Variants in GSE1 observed in about 807,000 individuals in gnomAD.
The protein encoded by GSE1 is Gse1 coiled-coil protein.
In GSE1, 32 loss-of-function variants were observed where a neutral mutation model predicts 112.6. The observed-to-expected ratio is 0.28, with a 90% CI of 0.21 to 0.38. The LOEUF is 0.38. GSE1 is among the 10% of genes least tolerant of loss of function. The probability of loss-of-function intolerance (pLI) is 1.00; values close to 1 mark genes in which losing one functional copy is unlikely to be tolerated. For missense variants in GSE1, 2,348 were observed against 1,699.2 expected, an observed-to-expected ratio of 1.38 and a Z score of -6.71; for synonymous variants, 1,115 against 735.6, an observed-to-expected ratio of 1.52 and a Z score of -8.35.
chr16:85,589,654 A>G (rs2151425667), intron 1 of GSE1, among the ~76,000 whole-genome samples: 1 of 152,242 alleles, frequency 6.6e-6, no homozygotes, highest in East Asian at 1.9e-4. Context: ...TGTATGTGTG[A>G]CGTGTGCAAA....
At chr16:85,657,635 G>C in intron 8 of GSE1, 31 bp downstream of exon 8, 8 of 1,418,156 alleles carry the variant, frequency 5.6e-6, no homozygotes, top group Non-Finnish European at 7.5e-6. Context: ...AAGGAGGGAT[G>C]AGCCTTCACG....
chr16:85,183,193 A>C (rs1364734791), intron 1 of GSE1, among the ~76,000 whole-genome samples: 2 of 151,958 alleles, frequency 1.3e-5, no homozygotes, highest in Non-Finnish European at 2.9e-5. Flanking sequence ...GCATGTCCTC[A>C]CACACATGTG....
At chr16:85,542,470 C>T (rs1235110443) in intron 2 of GSE1, among the ~76,000 whole-genome samples, 3 of 152,242 alleles carry the variant, frequency 2.0e-5, no homozygotes, top group Non-Finnish European at 4.4e-5. Context: ...ACCCATAAGC[C>T]TCCGCTGTGC....
At chr16:85,553,146 G>GC (rs2045009686), upstream of GSE1, among the ~76,000 whole-genome samples, 1 of 148,434 alleles carries the variant, frequency 6.7e-6, no homozygotes, top group Non-Finnish European at 1.5e-5. Flanking sequence ...CCCCCGCCCC[G>GC]CCCCCCAGGG....
At chr16:85,610,542 A>G (rs1405920829), upstream of GSE1, among the ~76,000 whole-genome samples, 1 of 152,114 alleles carries the variant, frequency 6.6e-6, no homozygotes, top group Non-Finnish European at 1.5e-5. Context: ...CCACCCTTAA[A>G]CTCGGAGGCC....
At chr16:85,514,768 T>G (rs1456789223) in intron 2 of GSE1, among the ~76,000 whole-genome samples, 1 of 152,032 alleles carries the variant, frequency 6.6e-6, no homozygotes, top group Non-Finnish European at 1.5e-5. Flanking sequence ...CCCCAGGGGG[T>G]TGGTCAGGGC....
At chr16:85,666,371 T>G in intron 13 of GSE1, 24 bp downstream of exon 13, 6 of 1,612,514 alleles carry the variant, frequency 3.7e-6, no homozygotes, top group Non-Finnish European at 5.1e-6. Context: ...CAGTCCCTGC[T>G]CAGCTCTCGG....
intron 2 of GSE1, among the ~76,000 whole-genome samples, chr16:85,430,698 C>G (rs985106074): frequency 6.6e-6 from 1 of 152,200 alleles, no homozygotes; most frequent in African/African-American, 2.4e-5. Context: ...GGGCACAGGG[C>G]GGCGGCAGTC....
At chr16:85,347,234 G>A (rs1451447124) in intron 1 of GSE1, among the ~76,000 whole-genome samples, 2 of 152,088 alleles carry the variant, frequency 1.3e-5, no homozygotes, top group Non-Finnish European at 2.9e-5. Context: ...AGGGGTCCCT[G>A]GGAGAGACAG....
At chr16:85,445,870 C>G (rs956488353) in intron 2 of GSE1, among the ~76,000 whole-genome samples, 4 of 152,314 alleles carry the variant, frequency 2.6e-5, no homozygotes, top group African/African-American at 7.2e-5. Flanking sequence ...AGTTCACATC[C>G]CGGCACTGTC....
chr16:85,222,400 C>T (rs1309798250), intron 1 of GSE1, among the ~76,000 whole-genome samples: 2 of 152,218 alleles, frequency 1.3e-5, no homozygotes, highest in Non-Finnish European at 2.9e-5. Flanking sequence ...CCCCTGCTTG[C>T]GTGAAATGGG....
intron 9 of GSE1, among the ~76,000 whole-genome samples, 156 bp downstream of exon 9, chr16:85,661,921 C>T (rs2052468116): frequency 6.6e-6 from 1 of 152,182 alleles, no homozygotes; most frequent in African/African-American, 2.4e-5. Flanking sequence ...TTCTTTGTAG[C>T]AGCATGACAC....
At chr16:85,638,940 C>T (rs921417526) in intron 2 of GSE1, among the ~76,000 whole-genome samples, 3 of 152,118 alleles carry the variant, frequency 2.0e-5, no homozygotes, top group African/African-American at 7.2e-5. Context: ...CAGGCAGGGC[C>T]AAGTGGCTGC....
intron 2 of GSE1, among the ~76,000 whole-genome samples, chr16:85,476,728 C>T (rs149945255): frequency 1.3e-5 from 2 of 151,802 alleles, no homozygotes; most frequent in African/African-American, 4.8e-5. Flanking sequence ...CCCACCGCAG[C>T]CTCCCCAGTA....
At chr16:85,246,943 G>C (rs558382389) in intron 1 of GSE1, among the ~76,000 whole-genome samples, 10 of 152,046 alleles carry the variant, frequency 6.6e-5, no homozygotes, top group Non-Finnish European at 1.5e-4. Context: ...TGCTAATGTT[G>C]CCAAGGCGCT....
At chr16:85,205,521 A>G (rs1451339942) in intron 1 of GSE1, among the ~76,000 whole-genome samples, 1 of 152,242 alleles carries the variant, frequency 6.6e-6, no homozygotes, top group East Asian at 1.9e-4. Flanking sequence ...AGTTGAGGTC[A>G]CAGCAGGCTG....
chr16:85,402,419 C>G (rs1034968734), intron 2 of GSE1, among the ~76,000 whole-genome samples: 5 of 152,154 alleles, frequency 3.3e-5, no homozygotes, highest in Non-Finnish European at 2.9e-5. Context: ...AAGAACGGGG[C>G]TGAGCGAATA....
At chr16:85,518,130 A>G (rs141550605) in intron 2 of GSE1, among the ~76,000 whole-genome samples, 1,698 of 152,282 alleles carry the variant, frequency 0.011, 13 homozygotes, top group Non-Finnish European at 0.018. Flanking sequence ...TGCCCTGCAG[A>G]GGCTGCTGCC....
rs767800699 is a variant in GSE1, at chr16:85,661,645, C to T, written c.2140C>T (p.Pro714Ser). 1.2e-6 allele frequency: 2 copies of T among 1,611,146 alleles called. No homozygotes were observed. Among genetic ancestry groups the T allele is most frequent in the East Asian group, 2.2e-5 (1 of 44,836 alleles). ...GPLKPGSPYR[P>S]PVPRAPDPAY... ...CCTGAAGCCTGGCTCGCCCTACCGG[C>T]CCCCAGTGCCACGGGCCCCCGACCC... Residue 714 changes from proline to serine, a missense_variant, in exon 9 of 16, where the codon CCC (proline) becomes TCC (serine). Physicochemically the swap from Pro to Ser is moderately conservative, Grantham distance 74 (BLOSUM62 -1). Coordinates refer to ENST00000253458, the MANE Select transcript of GSE1 (RefSeq NM_014615.5).
Sources: gnomAD v4.1 joint callset for allele counts (sites outside exome capture counted in the v4.1 genomes callset) on GRCh38, gnomAD v4.1.1 for gene constraint, MANE v1.5 for transcripts, NCBI Gene and HGNC (gene_info 2026-07-23, HGNC 2026-07-21) for gene names.